SLC2A5: variants seen among roughly 807,000 people sequenced by gnomAD.
The protein encoded by SLC2A5 is solute carrier family 2, facilitated glucose transporter member 5.
A neutral mutation model predicts 50.3 loss-of-function variants in SLC2A5; 56 were observed. That is an observed-to-expected ratio of 1.11 (90% confidence interval 0.90 to 1.39). The LOEUF (loss-of-function observed/expected upper bound fraction) is 1.39, where lower values mean the gene tolerates loss of function less well. Ranked by LOEUF, SLC2A5 falls within the 40% of genes most tolerant of loss-of-function variation. The pLI, the probability that SLC2A5 is intolerant of heterozygous loss-of-function variation, is 0.00. For missense variants in SLC2A5, 566 were observed against 650.1 expected (o/e 0.87, Z 1.41); for synonymous variants, 269 against 281.9 (o/e 0.95, Z 0.46).
At position 9,083,543 on chromosome 1, in the gene SLC2A5, C is replaced by T. The variant is rs571373852; in HGVS notation, c.-59+1471G>A. On this transcript the variant is annotated intron_variant, in intron 2 of 5. Transcript: ENST00000464985. ...GTGCTCATTAACATACTAAACCCTG[C>T]GGGGTTCGGTGGCTCATGCCTGTAA... 2.6e-5 allele frequency among the ~76,000 whole-genome samples: 4 copies of T among 152,310 alleles called. No homozygotes were observed. The East Asian group carries it at 5.8e-4, about 22-fold the overall frequency.
At chr1:9,060,238 CCCCCCATG>C (rs1557676198) in intron 1 of SLC2A5, among the ~76,000 whole-genome samples, 6 of 133,258 alleles carry the variant, frequency 4.5e-5, no homozygotes, top group Admixed American at 1.7e-4. Flanking sequence ...TACACACACA[CCCCCCATG>C]TACACACACT....
At chr1:9,038,658 T>C (rs1641205911) in intron 9 of SLC2A5, 152 bp from the exon 10 acceptor site, 1 of 1,264,092 alleles carries the variant, frequency 7.9e-7, no homozygotes, top group African/African-American at 1.5e-5. Context: ...CAGCTGAACG[T>C]GGGCTATGAG....
At position 9,040,340 on chromosome 1, in the gene SLC2A5, G is replaced by C; in HGVS notation, c.572-151C>G. ...AGCCCTAAGAACAGCAACTCCCGAC[G>C]GTGGACACTCGGGAAACACCTGCAG... is the stretch of plus-strand genomic sequence containing the variant. On this transcript the variant is annotated intron_variant, in intron 5 of 11. Coordinates refer to ENST00000377424, the MANE Select transcript of SLC2A5 (RefSeq NM_003039.3). This position sits in a 1 kb window ranked among gnomAD's most constrained non-coding sequence, Gnocchi z 4.3. The C allele has an allele frequency of 2.2e-6, 2 of 920,394 alleles. No individual in the cohort carries two copies. Among genetic ancestry groups the C allele is most frequent in the Non-Finnish European group, 3.2e-6 (2 of 630,022 alleles). 57.0% of individuals were successfully genotyped at this position (920,394 alleles called of 1,614,324 possible).
In SLC2A5 at chr1:9,040,426, A is replaced by G; in HGVS notation, c.572-237T>C. On this transcript the variant is annotated intron_variant, in intron 5 of 11. Coordinates refer to ENST00000377424, the MANE Select transcript of SLC2A5 (RefSeq NM_003039.3). The surrounding 1 kb of genome is among the most constrained non-coding windows in gnomAD (Gnocchi z 4.3). ...GACAGACCACACCGACGAGGCCGGTAATACCATGTGCTGGTGAGAACGTCC... is the reference window on the plus strand; with the variant it reads ...GACAGACCACACCGACGAGGCCGGTGATACCATGTGCTGGTGAGAACGTCC... The G allele has an allele frequency of 3.7e-6, 2 of 540,554 alleles. No homozygotes were observed. Among genetic ancestry groups the G allele is most frequent in the Non-Finnish European group, 6.6e-6 (2 of 304,176 alleles). 33.5% of individuals were successfully genotyped at this position (540,554 alleles called of 1,614,324 possible). A position where few individuals can be genotyped will look rare whatever the true frequency, so the allele number is the denominator to read the frequency against.
intron 2 of SLC2A5, among the ~76,000 whole-genome samples, chr1:9,083,718 G>A (rs111584078): frequency 1.4e-4 from 22 of 152,210 alleles, no homozygotes; most frequent in African/African-American, 5.1e-4. Flanking sequence ...CCAGCTACTC[G>A]GGAGGCTGAG....
chr1:9,057,322 A>G (rs2124403908), intron 3 of SLC2A5, 126 bp downstream of exon 3: 3 of 524,132 alleles, frequency 5.7e-6, no homozygotes, highest in East Asian at 3.5e-5. Flanking sequence ...AAAAGAAAGA[A>G]AAAAGAAAAA....
At chr1:9,045,525 G>A (rs967718555) in intron 4 of SLC2A5, among the ~76,000 whole-genome samples, 1 of 152,122 alleles carries the variant, frequency 6.6e-6, no homozygotes, top group Non-Finnish European at 1.5e-5. Context: ...CTTACTGGTG[G>A]CAACTTTTAG....
chr1:9,047,884 A>T, intron 3 of SLC2A5, 150 bp from the exon 4 acceptor site: 1 of 763,532 alleles, frequency 1.3e-6, no homozygotes, highest in Non-Finnish European at 2.1e-6. Flanking sequence ...AGACTGATAC[A>T]GGTCAAGTGC....
At chr1:9,045,609 C>T (rs1170852859) in intron 4 of SLC2A5, among the ~76,000 whole-genome samples, 4 of 152,262 alleles carry the variant, frequency 2.6e-5, no homozygotes, top group South Asian at 2.1e-4. Context: ...AGAGACCGGC[C>T]GGGCATGGTG....
chr1:9,039,831 A>C lies in SLC2A5; in HGVS notation c.854T>G (p.Met285Arg), dbSNP rs760704672. Residue 285 changes from methionine (M) to arginine (R), a missense_variant, in exon 7 of 12, where the codon ATG becomes AGG. Transcript: ENST00000377424. The stretch of plus-strand genomic sequence containing the variant: ...GACGCCCGACAGCTGCTGGCCGCCC[A>C]TGAGGACGATGATGGACAGCAGCTG... ...RWQLLSIIVL[M>R]GGQQLSGVNA... is the part of the protein sequence containing the mutation. 4 of 1,603,570 alleles carry C rather than the reference A, an allele frequency of 2.5e-6. No homozygotes were observed. Among genetic ancestry groups the C allele is most frequent in the Non-Finnish European group, 3.4e-6 (4 of 1,175,414 alleles).
At chr1:9,071,673 C>T (rs1211157929), upstream of SLC2A5, 1 of 152,372 alleles carries the variant, frequency 6.6e-6, no homozygotes, top group Non-Finnish European at 1.5e-5. Context: ...GCCGCAGTAC[C>T]CGGTTCCTGC....
upstream of SLC2A5, among the ~76,000 whole-genome samples, chr1:9,073,356 G>A (rs942782148): frequency 6.6e-6 from 1 of 152,218 alleles, no homozygotes. Flanking sequence ...ATAAAGTTCC[G>A]CTTAATGCAG....
At chr1:9,042,601 GTGTGTGTGTGTATGTGTATATATA>G (rs1641332819) in intron 4 of SLC2A5, among the ~76,000 whole-genome samples, 1 of 149,388 alleles carries the variant, frequency 6.7e-6, no homozygotes, top group Non-Finnish European at 1.5e-5. Context: ...CTCTGTGTGT[GTGTGTGTGTGTATGTGTATATATA>G]TGTGTGTGTG....
intron 2 of SLC2A5, among the ~76,000 whole-genome samples, chr1:9,082,422 A>C (rs1323801036): frequency 1.3e-5 from 2 of 152,212 alleles, no homozygotes; most frequent in Non-Finnish European, 2.9e-5. Flanking sequence ...TACAGCTATA[A>C]GAAGAAATGA....
At chr1:9,066,058 T>C (rs1642072951) in intron 1 of SLC2A5, among the ~76,000 whole-genome samples, 1 of 152,164 alleles carries the variant, frequency 6.6e-6, no homozygotes, top group Non-Finnish European at 1.5e-5. Context: ...AATGGGTTAA[T>C]TAATCCATTA....
chr1:9,078,400 C>T (rs1312228131), intron 2 of SLC2A5, among the ~76,000 whole-genome samples: 1 of 152,136 alleles, frequency 6.6e-6, no homozygotes, highest in African/African-American at 2.4e-5. Context: ...CTCAGCCTCA[C>T]TTTACTCGGT....
In SLC2A5 at chr1:9,040,056, C is replaced by T; in HGVS notation, c.697+8G>A. The T allele has an allele frequency of 6.3e-7, 1 of 1,586,474 alleles. No individual in the cohort carries two copies. Among genetic ancestry groups the T allele is most frequent in the Non-Finnish European group, 8.6e-7 (1 of 1,164,012 alleles). On this transcript the variant is annotated splice_region_variant and intron_variant, in intron 6 of 11. Coordinates refer to ENST00000377424, the MANE Select transcript of SLC2A5 (RefSeq NM_003039.3). This position sits in a 1 kb window ranked among gnomAD's most constrained non-coding sequence, Gnocchi z 4.3. ...CCTGGAGGCCGCCCCCGCCAGAGCC[C>T]TCGTTACCTTTCTTGGCGGCCGCTT...
chr1:9,071,916 G>A, upstream of SLC2A5: 1 of 160,752 alleles, frequency 6.2e-6, no homozygotes, highest in Non-Finnish European at 1.3e-5. Flanking sequence ...CTCTGCCTCA[G>A]CCCGGGTCCC....
At position 9,087,560 on chromosome 1, in the gene SLC2A5, C is replaced by T. The variant is rs370490777; in HGVS notation, c.-188+812G>A. Reference sequence around the variant, plus strand: ...TGCCAAAACCCGGGATGGGTGTTGGCGGCAGAGGCTCTCTTGCAACCCAAG... The same window carrying T: ...TGCCAAAACCCGGGATGGGTGTTGGTGGCAGAGGCTCTCTTGCAACCCAAG... On this transcript the variant is annotated intron_variant, in intron 1 of 5. Transcript: ENST00000464985. 3.2e-4 allele frequency among the ~76,000 whole-genome samples: 49 copies of T among 152,190 alleles called. No individual in the cohort carries two copies. The Middle Eastern group carries it at 0.017, about 53-fold the overall frequency.
Sources: gnomAD v4.1 joint callset for allele counts (sites outside exome capture counted in the v4.1 genomes callset) on GRCh38, gnomAD v4.1.1 for gene constraint, Gnocchi (gnomAD v3.1) non-coding constraint, MANE v1.5 for transcripts, NCBI Gene and HGNC (gene_info 2026-07-23, HGNC 2026-07-21) for gene names.